Variants in GRIN2B observed in about 807,000 individuals in gnomAD.
GRIN2B encodes the protein glutamate ionotropic receptor NMDA type subunit 2B.
A neutral mutation model predicts 114.5 loss-of-function variants in GRIN2B; 5 were observed. The observed-to-expected ratio is 0.04, with a 90% CI of 0.02 to 0.09. The LOEUF is 0.09. Ranked by LOEUF, GRIN2B falls within the 10% of genes least tolerant of loss-of-function variation. GRIN2B has a pLI of 1.00. For synonymous variants in GRIN2B, 787 were observed against 745.1 expected (o/e 1.06, Z -0.92); for missense variants, 1,108 against 1,943.5 (o/e 0.57, Z 8.08).
intron 4 of GRIN2B, among the ~76,000 whole-genome samples, chr12:13,685,837 T>C (rs1175009353): frequency 6.6e-6 from 1 of 152,134 alleles, no homozygotes; most frequent in African/African-American, 2.4e-5. Flanking sequence ...ACAGGAAGAT[T>C]TGTTTGCAAT....
At chr12:13,940,437 C>T (rs1468652648) in intron 2 of GRIN2B, among the ~76,000 whole-genome samples, 4 of 148,834 alleles carry the variant, frequency 2.7e-5, no homozygotes, top group South Asian at 2.1e-4. Flanking sequence ...ATCTCCTTGG[C>T]GCACACACAC....
chr12:13,907,593 G>A (rs538022514), intron 2 of GRIN2B, among the ~76,000 whole-genome samples: 1 of 152,164 alleles, frequency 6.6e-6, no homozygotes, highest in East Asian at 1.9e-4. Flanking sequence ...CAGGTTGACA[G>A]AAGTCTGAAT....
chr12:13,797,209 G>C (rs1864431786), intron 3 of GRIN2B, among the ~76,000 whole-genome samples: 1 of 152,108 alleles, frequency 6.6e-6, no homozygotes, highest in African/African-American at 2.4e-5. Flanking sequence ...TACAGATGAT[G>C]CCTTCCTCAC....
intron 10 of GRIN2B, among the ~76,000 whole-genome samples, chr12:13,573,278 C>T (rs1948729200): frequency 2.7e-5 from 4 of 148,852 alleles, no homozygotes; most frequent in Admixed American, 2.7e-4. Context: ...GGTGAAACCC[C>T]GTCTCTACTA....
intron 4 of GRIN2B, among the ~76,000 whole-genome samples, chr12:13,713,457 G>T (rs1019329207): frequency 6.6e-6 from 1 of 151,832 alleles, no homozygotes; most frequent in Non-Finnish European, 1.5e-5. Context: ...CTTTTCAAAT[G>T]AATCACAGAA....
intron 3 of GRIN2B, among the ~76,000 whole-genome samples, chr12:13,837,761 C>T (rs531182866): frequency 1.1e-4 from 17 of 152,214 alleles, no homozygotes; most frequent in African/African-American, 4.1e-4. Flanking sequence ...CAGGGCTCAG[C>T]AGCTGTGCTG....
At chr12:13,645,635 T>C (rs1949754184) in intron 5 of GRIN2B, among the ~76,000 whole-genome samples, 1 of 151,832 alleles carries the variant, frequency 6.6e-6, no homozygotes, top group South Asian at 2.1e-4. Flanking sequence ...GCTAATTTCT[T>C]CAGAGAAATA....
At chr12:13,693,773 C>T (rs1950234583) in intron 4 of GRIN2B, among the ~76,000 whole-genome samples, 2 of 152,194 alleles carry the variant, frequency 1.3e-5, no homozygotes, top group Non-Finnish European at 2.9e-5. Context: ...CTCCCCTACT[C>T]TCTGCCTTGC....
At chr12:13,811,151 G>A (rs1466494453) in intron 3 of GRIN2B, among the ~76,000 whole-genome samples, 1 of 152,164 alleles carries the variant, frequency 6.6e-6, no homozygotes, top group African/African-American at 2.4e-5. Context: ...TTCGGGAAGG[G>A]GATAAGAAAA....
chr12:13,703,441 G>T (rs537107062), intron 4 of GRIN2B, among the ~76,000 whole-genome samples: 1 of 152,134 alleles, frequency 6.6e-6, no homozygotes, highest in South Asian at 2.1e-4. Flanking sequence ...ATTTCACTTT[G>T]TAGAGACAAC....
rs1948277540 is a variant in GRIN2B at position 13,541,417 on chromosome 12, T to C, written c.*21366A>G. The stretch of plus-strand genomic sequence containing the variant: ...GAGGGGAGATCTGAGGCAGGGTAAA[T>C]GGAAGTCACATTGTTTTCTGCACAT... On this transcript the variant is annotated 3_prime_UTR_variant, in exon 14 of 14. Transcript: ENST00000609686. 1 of 152,150 alleles carries C rather than the reference T, an allele frequency of 6.6e-6. No individual in the cohort carries two copies. Among genetic ancestry groups the C allele is most frequent in the Non-Finnish European group, 1.5e-5 (1 of 68,036 alleles). 9.4% of individuals were successfully genotyped at this position (152,150 alleles called of 1,614,324 possible).
chr12:13,580,844 T>C (rs539148650), intron 10 of GRIN2B, among the ~76,000 whole-genome samples: 18 of 152,214 alleles, frequency 1.2e-4, no homozygotes, highest in Admixed American at 5.9e-4. Flanking sequence ...ACACACTCCC[T>C]TTGCTCTTAA....
chr12:13,834,019 T>TC (rs1865203144), intron 3 of GRIN2B, among the ~76,000 whole-genome samples: 1 of 121,648 alleles, frequency 8.2e-6, no homozygotes, highest in Non-Finnish European at 1.7e-5. Flanking sequence ...TTTGCTAACT[T>TC]CTTTTTTTTT....
At chr12:13,577,247 A>G (rs1182929420) in intron 10 of GRIN2B, among the ~76,000 whole-genome samples, 1 of 152,264 alleles carries the variant, frequency 6.6e-6, no homozygotes, top group Non-Finnish European at 1.5e-5. Flanking sequence ...GCTTCCAGCA[A>G]TTGCTTGTGA....
chr12:13,858,216 T>G (rs1865696390), intron 3 of GRIN2B, among the ~76,000 whole-genome samples: 1 of 152,216 alleles, frequency 6.6e-6, no homozygotes, highest in Non-Finnish European at 1.5e-5. Flanking sequence ...TCATATAAAG[T>G]GACTAACTCA....
At chr12:13,825,538 T>C (rs1591753284) in intron 3 of GRIN2B, among the ~76,000 whole-genome samples, 1 of 27,516 alleles carries the variant, frequency 3.6e-5, no homozygotes, top group Admixed American at 4.1e-4. Flanking sequence ...GTGTGTATGA[T>C]GGAGTTTTGC....
chr12:13,591,342 C>G (rs1949006553), intron 10 of GRIN2B, among the ~76,000 whole-genome samples: 1 of 152,154 alleles, frequency 6.6e-6, no homozygotes, highest in Non-Finnish European at 1.5e-5. Flanking sequence ...GGTTTAGGAG[C>G]GAACCCTGGG....
intron 3 of GRIN2B, among the ~76,000 whole-genome samples, chr12:13,827,721 G>A (rs1011639534): frequency 1.1e-4 from 16 of 151,778 alleles, no homozygotes; most frequent in East Asian, 1.9e-4. Flanking sequence ...TCACTCTGTC[G>A]CCCAGGGTGG....
At chr12:13,970,518 T>C (rs1000599793) in intron 2 of GRIN2B, among the ~76,000 whole-genome samples, 1 of 152,218 alleles carries the variant, frequency 6.6e-6, no homozygotes, top group Non-Finnish European at 1.5e-5. Flanking sequence ...CAATATTTTC[T>C]GAGCACTGAC....
Sources: allele counts gnomAD v4.1 joint callset (sites outside exome capture counted in the v4.1 genomes callset), GRCh38; gene constraint gnomAD v4.1.1; transcripts MANE v1.5; gene names NCBI Gene and HGNC (gene_info 2026-07-23, HGNC 2026-07-21).